LCK: variants seen among roughly 807,000 people sequenced by gnomAD.
LCK encodes tyrosine-protein kinase Lck.
A neutral mutation model predicts 64.6 loss-of-function variants in LCK; 14 were observed. The observed-to-expected ratio is 0.22, with a 90% CI of 0.14 to 0.34. The LOEUF (loss-of-function observed/expected upper bound fraction) is 0.34, where lower values mean the gene tolerates loss of function less well. Ranked by LOEUF, LCK falls within the 10% of genes least tolerant of loss-of-function variation. The pLI, the probability that LCK is intolerant of heterozygous loss-of-function variation, is 1.00. For synonymous variants in LCK, 277 were observed against 263.6 expected, an observed-to-expected ratio of 1.05 and a Z score of -0.49; for missense variants, 434 against 668.1, an observed-to-expected ratio of 0.65 and a Z score of 3.86.
chr1:32,274,799 G>A lies in LCK; in HGVS notation c.168G>A (p.Pro56=), dbSNP rs765261247. 1.9e-6 allele frequency: 3 copies of A among 1,613,516 alleles called. No homozygotes were observed. The highest frequency in any genetic ancestry group is 2.5e-6 in the Non-Finnish European group (3 of 1,179,806). Reference sequence around the variant, plus strand: ...TGGTTACCTACGAAGGCTCCAATCCGCCGGCTTCCCCACTGCAAGGTGACC... The same window carrying A: ...TGGTTACCTACGAAGGCTCCAATCCACCGGCTTCCCCACTGCAAGGTGACC... ...DPLVTYEGSN[P]PASPLQDNLV... Residue 56 remains proline, a synonymous_variant, in exon 3 of 13, where the codon CCG becomes CCA. Coordinates refer to ENST00000336890, the MANE Select transcript of LCK (RefSeq NM_005356.5).
chr1:32,267,499 G>A (rs149865344), intron 1 of LCK, among the ~76,000 whole-genome samples: 120 of 152,218 alleles, frequency 7.9e-4, no homozygotes, highest in African/African-American at 2.6e-3. Context: ...GGTGGCTCAC[G>A]TCTGTAGTCC....
Position 32,275,798 on chromosome 1 carries a change from G to A in LCK, c.482-116G>A. ...GGGGGACGCGGGATGAGCCCGAGGTGGGGGCGCGGGATGACCCGGAGTTGG... is the reference window on the plus strand; with the variant it reads ...GGGGGACGCGGGATGAGCCCGAGGTAGGGGCGCGGGATGACCCGGAGTTGG... On this transcript the variant is annotated intron_variant, in intron 6 of 12. Coordinates refer to ENST00000336890, the MANE Select transcript of LCK (RefSeq NM_005356.5). This position sits in a 1 kb window ranked among gnomAD's most constrained non-coding sequence, Gnocchi z 6.9. The A allele has an allele frequency of 7.0e-7, 1 of 1,428,158 alleles. No individual in the cohort carries two copies. The highest frequency in any genetic ancestry group is 2.4e-5 in the East Asian group (1 of 42,054). The allele number at this position is 1,428,158 out of a possible 1,614,324, so 88.5% of individuals were successfully genotyped here. A position where few individuals can be genotyped will look rare whatever the true frequency, so the allele number is the denominator to read the frequency against.
intron 1 of LCK, among the ~76,000 whole-genome samples, chr1:32,272,628 A>G (rs1482463247): frequency 7.5e-6 from 1 of 133,022 alleles, no homozygotes; most frequent in African/African-American, 3.0e-5. Context: ...AGAGAAAGAG[A>G]GAGAGAGAGA....
Position 32,266,244 on chromosome 1 carries a change from G to A in LCK, c.-5-8081G>A, listed in dbSNP as rs1309655226. 4.6e-5 allele frequency among the ~76,000 whole-genome samples: 7 copies of A among 151,948 alleles called. No homozygotes were observed. The East Asian group carries it at 1.4e-3, about 29-fold the overall frequency. On this transcript the variant is annotated intron_variant, in intron 1 of 12. Transcript: ENST00000336890. ...ACGGTGGCTCACGCCTGTGATCCCAGAACTTTGGGAGGCTGAGGCGGGCAA... is the reference window on the plus strand; with the variant it reads ...ACGGTGGCTCACGCCTGTGATCCCAAAACTTTGGGAGGCTGAGGCGGGCAA...
intron 1 of LCK, among the ~76,000 whole-genome samples, chr1:32,269,935 A>C (rs1457731060): frequency 1.3e-5 from 2 of 152,190 alleles, no homozygotes; most frequent in Non-Finnish European, 2.9e-5. Flanking sequence ...TTGACAGAAG[A>C]GGAAAAGTGA....
In LCK at chr1:32,275,217, G is replaced by A; in HGVS notation, c.279-104G>A. ...ACAAAATTCGAGGCTCAGTATTGCT[G>A]AGCCAGGGTTGGGGGAGGCTGGCTT... On this transcript the variant is annotated intron_variant, in intron 4 of 12. Transcript: ENST00000336890. This position sits in a 1 kb window ranked among gnomAD's most constrained non-coding sequence, Gnocchi z 6.9. 4 of 1,473,920 alleles carry A rather than the reference G, an allele frequency of 2.7e-6. No homozygotes were observed. Among genetic ancestry groups the A allele is most frequent in the Non-Finnish European group, 2.8e-6 (3 of 1,057,140 alleles). The allele number at this position is 1,473,920 out of a possible 1,614,324, so 91.3% of individuals were successfully genotyped here.
In LCK at chr1:32,262,612, C is replaced by T. The variant is rs924146806; in HGVS notation, c.-6+11241C>T. ...CTAATTTTTGTATTTTTAGTAGAGA[C>T]GGGGTTTCACCATGTTGGTCAGGCT... On this transcript the variant is annotated intron_variant, in intron 1 of 12. Transcript: ENST00000336890. Among the ~76,000 whole-genome samples the T allele has an allele frequency of 2.7e-5, 4 of 149,128 alleles. 1 individual carries two copies. The highest frequency in any genetic ancestry group is 6.0e-5 in the Non-Finnish European group (4 of 67,058).
intron 3 of LCK, 38 bp downstream of exon 3, chr1:32,274,856 C>A (rs959410860): frequency 3.7e-6 from 6 of 1,613,848 alleles, no homozygotes; most frequent in Non-Finnish European, 4.2e-6. Flanking sequence ...ACAAGGCCTG[C>A]GGATCCCTGG....
intron 1 of LCK, among the ~76,000 whole-genome samples, chr1:32,270,323 T>A (rs1242783344): frequency 1.3e-5 from 2 of 151,070 alleles, no homozygotes; most frequent in African/African-American, 4.9e-5. Flanking sequence ...CTGGTTGTCT[T>A]GAACTTCTGA....
chr1:32,276,879 C>T lies in LCK; in HGVS notation c.964+93C>T. The T allele has an allele frequency of 7.7e-7, 1 of 1,306,660 alleles. No homozygotes were observed. Among genetic ancestry groups the T allele is most frequent in the Non-Finnish European group, 1.0e-6 (1 of 980,058 alleles). 80.9% of individuals were successfully genotyped at this position (1,306,660 alleles called of 1,614,324 possible). On this transcript the variant is annotated intron_variant, in intron 9 of 12. Coordinates refer to ENST00000336890, the MANE Select transcript of LCK (RefSeq NM_005356.5). This position sits in a 1 kb window ranked among gnomAD's most constrained non-coding sequence, Gnocchi z 4.6. Reference sequence around the variant, plus strand: ...ATACACCTTTTCTTCTGGCCCAAAGCTCAAGCAAGGAGGGTTTCTTGAGCT... The same window carrying T: ...ATACACCTTTTCTTCTGGCCCAAAGTTCAAGCAAGGAGGGTTTCTTGAGCT...
chr1:32,274,671 G>C (rs1344890006), intron 2 of LCK, 66 bp from the exon 3 acceptor site: 1 of 1,316,332 alleles, frequency 7.6e-7, no homozygotes, highest in Non-Finnish European at 1.1e-6. Flanking sequence ...AGAGCAGGGG[G>C]GAAGGGGGCC....
At chr1:32,266,586 T>TTCC (rs143201025) in intron 1 of LCK, among the ~76,000 whole-genome samples, 5 of 139,684 alleles carry the variant, frequency 3.6e-5, no homozygotes, top group South Asian at 2.2e-4. Context: ...ACGCCCTTTC[T>TTCC]TCCTCCTCCT....
In LCK at chr1:32,283,276, G is replaced by A. The variant is rs557478533; in HGVS notation, c.1328-2238G>A. 1.2e-4 allele frequency among the ~76,000 whole-genome samples: 16 copies of A among 136,898 alleles called. No individual in the cohort carries two copies. In the South Asian group the frequency reaches 3.0e-3, roughly 26 times the overall value. The allele number at this position is 136,898 out of a possible 152,430, so 89.8% of individuals were successfully genotyped here. A position where few individuals can be genotyped will look rare whatever the true frequency, so the allele number is the denominator to read the frequency against. On this transcript the variant is annotated intron_variant, in intron 12 of 12. Transcript: ENST00000336890. ...TGCACTCCAGCCTGGGCAACAGAGCGAGACTCTGTCTCAAAAAAAAAAAAA... is the reference window on the plus strand; with the variant it reads ...TGCACTCCAGCCTGGGCAACAGAGCAAGACTCTGTCTCAAAAAAAAAAAAA...
chr1:32,280,433 TTTTC>T (rs1425373217), intron 12 of LCK, among the ~76,000 whole-genome samples: 1 of 147,818 alleles, frequency 6.8e-6, no homozygotes, highest in Non-Finnish European at 1.5e-5. Flanking sequence ...TTTTCTCTTT[TTTTC>T]TTTTTCTTTT....
At chr1:32,278,830 T>G (rs1178866339) in intron 9 of LCK, among the ~76,000 whole-genome samples, 1 of 152,190 alleles carries the variant, frequency 6.6e-6, no homozygotes, top group East Asian at 1.9e-4. Context: ...AGTTCAGCAC[T>G]CAAAGTGGGG....
chr1:32,286,095 G>A lies in LCK; in HGVS notation c.*379G>A. 1 of 332,532 alleles carries A rather than the reference G, an allele frequency of 3.0e-6. No homozygotes were observed. The highest frequency in any genetic ancestry group is 5.7e-6 in the Non-Finnish European group (1 of 176,816). 20.6% of individuals were successfully genotyped at this position (332,532 alleles called of 1,614,324 possible). The stretch of plus-strand genomic sequence containing the variant: ...GGCCAGGACTTTATCTAATACCTCT[G>A]TGTGCTCCTCCTTGGTGCCTGGCCT... On this transcript the variant is annotated 3_prime_UTR_variant, in exon 13 of 13. Coordinates refer to ENST00000336890, the MANE Select transcript of LCK (RefSeq NM_005356.5).
At chr1:32,268,061 G>T (rs898386384) in intron 1 of LCK, among the ~76,000 whole-genome samples, 1 of 151,868 alleles carries the variant, frequency 6.6e-6, no homozygotes, top group Non-Finnish European at 1.5e-5. Context: ...AGGTGTGGCG[G>T]CACGCGCCTG....
intron 1 of LCK, among the ~76,000 whole-genome samples, chr1:32,254,858 A>T (rs1333981355): frequency 6.6e-6 from 1 of 152,126 alleles, no homozygotes; most frequent in Admixed American, 6.6e-5. Context: ...TTTTAAAAAC[A>T]CTCAAACAGG....
At chr1:32,284,276 G>A (rs1400129123) in intron 12 of LCK, among the ~76,000 whole-genome samples, 3 of 147,118 alleles carry the variant, frequency 2.0e-5, no homozygotes, top group African/African-American at 7.4e-5. Context: ...ATATATCTGT[G>A]AGATATATAT....
Sources: allele counts gnomAD v4.1 joint callset (sites outside exome capture counted in the v4.1 genomes callset), GRCh38; gene constraint gnomAD v4.1.1; non-coding constraint Gnocchi (gnomAD v3.1); transcripts MANE v1.5; gene names NCBI Gene and HGNC (gene_info 2026-07-23, HGNC 2026-07-21).